Variants in WDR3 observed in about 807,000 individuals in gnomAD.
WDR3 encodes WD repeat domain 3, also known as WD repeat-containing protein 3.
In WDR3, 81 loss-of-function variants were observed where a neutral mutation model predicts 123.7. The ratio of observed to expected loss-of-function variants is 0.65; its 90% CI spans 0.55 to 0.79. WDR3 has a LOEUF of 0.79. WDR3 is among the 30% of genes least tolerant of loss of function. WDR3 has a pLI of 0.00. For synonymous variants in WDR3, 390 were observed against 388.8 expected (o/e 1.00, Z -0.04); for missense variants, 1,027 against 1,123.2 (o/e 0.91, Z 1.22).
At chr1:117,958,799 A>C in intron 25 of WDR3, 111 bp from the exon 26 acceptor site, 1 of 571,048 alleles carries the variant, frequency 1.8e-6, no homozygotes, top group Admixed American at 3.8e-5. Flanking sequence ...AAACATTTCT[A>C]TAATGTATAT....
chr1:117,946,063 T>A, intron 11 of WDR3, 23 bp from the exon 12 acceptor site: 1 of 1,578,282 alleles, frequency 6.3e-7, no homozygotes, highest in East Asian at 2.3e-5. Flanking sequence ...TAACATGAGT[T>A]CTTTATTTTT....
In WDR3 at chr1:117,946,197, C is replaced by T. The variant is rs1651373131; in HGVS notation, c.1422+18C>T. 6.4e-7 allele frequency: 1 copy of T among 1,573,498 alleles called. No homozygotes were observed. Among genetic ancestry groups the T allele is most frequent in the Non-Finnish European group, 8.7e-7 (1 of 1,154,128 alleles). ...GAACAAAGGTAAATGGAGACTTTTT[C>T]TGGGATATCTGGATCTTTTCTACTC... On this transcript the variant is annotated intron_variant, in intron 12 of 26. Transcript: ENST00000349139.
intron 3 of WDR3, among the ~76,000 whole-genome samples, chr1:117,935,720 T>C (rs1165399986): frequency 6.6e-6 from 1 of 151,974 alleles, no homozygotes; most frequent in African/African-American, 2.4e-5. Flanking sequence ...AGAAAATATG[T>C]AAGTAAATAT....
intron 2 of WDR3, 141 bp downstream of exon 2, chr1:117,933,631 T>G (rs1650814300): frequency 9.3e-7 from 1 of 1,072,196 alleles, no homozygotes; most frequent in Non-Finnish European, 1.4e-6. Context: ...TTCCTTTAGG[T>G]CTAGCTAGCC....
intron 24 of WDR3, 70 bp from the exon 25 acceptor site, chr1:117,956,998 G>T (rs537393001): frequency 2.5e-5 from 33 of 1,332,558 alleles, no homozygotes; most frequent in Admixed American, 1.0e-4. Flanking sequence ...TAAAGGGAAG[G>T]ATTTAAAAAT....
rs1571016958 is a variant in WDR3, at chr1:117,945,955, G to T, written c.1329-131G>T. On this transcript the variant is annotated intron_variant, in intron 11 of 26. Coordinates refer to ENST00000349139, the MANE Select transcript of WDR3 (RefSeq NM_006784.3). The stretch of plus-strand genomic sequence containing the variant: ...CTCCCATGACTATAATTGTGTGTGA[G>T]TCAAGGGTTTTTAAGACTTTTATCT... The T allele has an allele frequency of 2.7e-5, 14 of 517,362 alleles. No homozygotes were observed. The East Asian group carries it at 4.7e-4, about 17-fold the overall frequency. The allele number at this position is 517,362 out of a possible 1,614,324, so 32.0% of individuals were successfully genotyped here.
rs1219230981 is a variant in WDR3, at chr1:117,952,038, T to C, written c.1866T>C (p.Phe622=). The change falls in exon 17 of 27, where the codon TTT becomes TTC. Residue 622 remains phenylalanine, a synonymous_variant. Transcript: ENST00000349139. ...ATGTGAAAATCTGGGGTTTGGACTT[T>C]GGGGACTGCCACAAGTCTCTCTTTG... ...DRNVKIWGLD[F]GDCHKSLFAH... is the part of the protein sequence containing the mutation. 6.2e-7 allele frequency: 1 copy of C among 1,613,462 alleles called. No homozygotes were observed. The highest frequency in any genetic ancestry group is 8.5e-7 in the Non-Finnish European group (1 of 1,179,476).
chr1:117,952,411 A>G lies in WDR3; in HGVS notation c.2016+3A>G, dbSNP rs762315781. 6.2e-7 allele frequency: 1 copy of G among 1,610,174 alleles called. No homozygotes were observed. Among genetic ancestry groups the G allele is most frequent in the African/African-American group, 1.3e-5 (1 of 74,878 alleles). On this transcript the variant is annotated splice_donor_region_variant and intron_variant, in intron 18 of 26. Transcript: ENST00000349139. ...TTGAACACATACAGACTCTGGAGGTAACCACATGCCTTCTGTGCTTGCTTG... is the reference window on the plus strand; with the variant it reads ...TTGAACACATACAGACTCTGGAGGTGACCACATGCCTTCTGTGCTTGCTTG...
At chr1:117,943,240 A>AGCCTCAGGGCACCCAGCCTCAGGG (rs1651243246) in intron 10 of WDR3, among the ~76,000 whole-genome samples, 156 bp from the exon 11 acceptor site, 2 of 152,216 alleles carry the variant, frequency 1.3e-5, no homozygotes, top group African/African-American at 4.8e-5. Context: ...GGCGTGAGCC[A>AGCCTCAGGGCACCCAGCCTCAGGG]CTGCACCCAG....
intron 1 of WDR3, 192 bp downstream of exon 1, chr1:117,929,974 G>C (rs1650644412): frequency 2.0e-5 from 3 of 152,584 alleles, no homozygotes; most frequent in South Asian, 4.1e-4. Flanking sequence ...TCAGCTACTC[G>C]GCGCGGTTGC....
chr1:117,940,201 G>T (rs988999799), intron 6 of WDR3, among the ~76,000 whole-genome samples: 4 of 152,318 alleles, frequency 2.6e-5, no homozygotes, highest in East Asian at 1.9e-4. Flanking sequence ...TTTGAAGTTA[G>T]TGAAGAGTGG....
chr1:117,948,116 G>C (rs553811048), intron 12 of WDR3, among the ~76,000 whole-genome samples: 38 of 152,144 alleles, frequency 2.5e-4, no homozygotes, highest in Non-Finnish European at 4.9e-4. Context: ...TATTTTCCTT[G>C]TGAAGTTGTG....
chr1:117,935,531 T>C (rs1650914914), intron 3 of WDR3, among the ~76,000 whole-genome samples: 1 of 151,982 alleles, frequency 6.6e-6, no homozygotes, highest in East Asian at 1.9e-4. Context: ...TCCTAATTAG[T>C]ATATTTTAAA....
intron 25 of WDR3, among the ~76,000 whole-genome samples, chr1:117,958,413 A>C (rs1652532507): frequency 6.6e-6 from 1 of 152,214 alleles, no homozygotes; most frequent in South Asian, 2.1e-4. Context: ...TAACACTGTG[A>C]ATACTTATAG....
intron 26 of WDR3, 143 bp from the exon 27 acceptor site, chr1:117,959,149 T>C: frequency 7.5e-7 from 1 of 1,327,052 alleles, no homozygotes; most frequent in Non-Finnish European, 1.0e-6. Flanking sequence ...TTAGTAGGAA[T>C]AGAAAAAACA....
At chr1:117,936,619 T>G in intron 3 of WDR3, 150 bp from the exon 4 acceptor site, 1 of 486,648 alleles carries the variant, frequency 2.1e-6, no homozygotes, top group Non-Finnish European at 3.6e-6. Flanking sequence ...ATAAGGCTGG[T>G]GTTTATTCCC....
chr1:117,963,908 C>A lies in WDR3; in HGVS notation c.*4461C>A. On this transcript the variant is annotated 3_prime_UTR_variant, in exon 27 of 27. Coordinates refer to ENST00000349139, the MANE Select transcript of WDR3 (RefSeq NM_006784.3). ...TTTTCCCTGGGGAAAGTCTTTTGGT[C>A]GTTTATCATAATTGCTGCTTGTTAA... The A allele has an allele frequency of 1.2e-6, 2 of 1,613,710 alleles. No homozygotes were observed. Among genetic ancestry groups the A allele is most frequent in the Non-Finnish European group, 8.5e-7 (1 of 1,179,806 alleles).
In WDR3 at chr1:117,959,308, A is replaced by G. The variant is rs1469283837; in HGVS notation, c.2693A>G (p.Asn898Ser). The G allele has an allele frequency of 1.2e-6, 2 of 1,611,884 alleles. No individual in the cohort carries two copies. Among genetic ancestry groups the G allele is most frequent in the Non-Finnish European group, 1.7e-6 (2 of 1,179,480 alleles). ...GCACTCCAGGATGTTATCGGCTTCAATATGGCTGGTCTTGATTATCTCAAG... is the reference window on the plus strand; with the variant it reads ...GCACTCCAGGATGTTATCGGCTTCAGTATGGCTGGTCTTGATTATCTCAAG... ...VSQVRDVIGF[N>S]MAGLDYLKRE... is the part of the protein sequence containing the mutation. The change falls in exon 27 of 27, where the codon AAT becomes AGT. Residue 898 changes from asparagine to serine, a missense_variant. Coordinates refer to ENST00000349139, the MANE Select transcript of WDR3 (RefSeq NM_006784.3).
chr1:117,943,334 A>G (rs1486909864), intron 10 of WDR3, 62 bp from the exon 11 acceptor site: 5 of 1,421,446 alleles, frequency 3.5e-6, no homozygotes, highest in African/African-American at 1.4e-5. Context: ...CTTTTCCTGG[A>G]AAAAGTAAAC....
Sources: gnomAD v4.1 joint callset for allele counts (sites outside exome capture counted in the v4.1 genomes callset) on GRCh38, gnomAD v4.1.1 for gene constraint, MANE v1.5 for transcripts, NCBI Gene and HGNC (gene_info 2026-07-23, HGNC 2026-07-21) for gene names.